Variants in MPPED2 observed in about 807,000 individuals in gnomAD.
The protein encoded by MPPED2 is metallophosphoesterase MPPED2.
A neutral mutation model predicts 33.0 loss-of-function variants in MPPED2; 5 were observed. The observed-to-expected ratio is 0.15, with a 90% CI of 0.08 to 0.32. The LOEUF (loss-of-function observed/expected upper bound fraction) is 0.32, where lower values mean the gene tolerates loss of function less well. MPPED2 is among the 10% of genes least tolerant of loss of function. The pLI is 1.00. For synonymous variants in MPPED2, 136 were observed against 141.9 expected, an observed-to-expected ratio of 0.96 and a Z score of 0.29; for missense variants, 275 against 372.1, an observed-to-expected ratio of 0.74 and a Z score of 2.15.
At chr11:30,444,701 A>C (rs983742668) in intron 4 of MPPED2, among the ~76,000 whole-genome samples, 18 of 152,142 alleles carry the variant, frequency 1.2e-4, no homozygotes, top group African/African-American at 4.3e-4. Context: ...CTTTATCTGC[A>C]CATTTTGGGC....
At chr11:30,494,757 A>AAAAAAAAAAAAAAAAAAAAG (rs768924251) in intron 4 of MPPED2, among the ~76,000 whole-genome samples, 2 of 120,884 alleles carry the variant, frequency 1.7e-5, no homozygotes, top group Non-Finnish European at 3.1e-5. Flanking sequence ...AAAAAAAAAA[A>AAAAAAAAAAAAAAAAAAAAG]AAAGAAAGAA....
intron 4 of MPPED2, among the ~76,000 whole-genome samples, chr11:30,474,481 T>G (rs919611785): frequency 1.3e-5 from 2 of 152,174 alleles, no homozygotes; most frequent in Admixed American, 1.3e-4. Context: ...TTAATTTGTG[T>G]GGTACCGATG....
rs557823015 is a variant in MPPED2, at chr11:30,453,036, G to C, written c.537-35403C>G. On this transcript the variant is annotated intron_variant, in intron 4 of 6. Coordinates refer to ENST00000358117, the MANE Select transcript of MPPED2 (RefSeq NM_001584.3). The stretch of plus-strand genomic sequence containing the variant: ...CATTTGCTGCAAGGATGCAAAATGA[G>C]TTATGTGCAGTGAGCATTGAAGGCA... Among the ~76,000 whole-genome samples, 4 of 152,266 alleles carry C rather than the reference G, an allele frequency of 2.6e-5. No homozygotes were observed. In the East Asian group the frequency reaches 7.7e-4, roughly 29 times the overall value.
At chr11:30,447,980 C>T (rs148267725) in intron 4 of MPPED2, among the ~76,000 whole-genome samples, 1 of 152,262 alleles carries the variant, frequency 6.6e-6, no homozygotes, top group East Asian at 1.9e-4. Flanking sequence ...ACACAATTTA[C>T]CTACAATTTC....
chr11:30,540,445 G>A (rs1474313592), intron 2 of MPPED2, among the ~76,000 whole-genome samples: 2 of 152,070 alleles, frequency 1.3e-5, no homozygotes, highest in African/African-American at 2.4e-5. Context: ...AGATTGTTAT[G>A]AGAATAAAAA....
At chr11:30,453,715 G>A (rs1477667315) in intron 4 of MPPED2, among the ~76,000 whole-genome samples, 1 of 152,186 alleles carries the variant, frequency 6.6e-6, no homozygotes, top group Non-Finnish European at 1.5e-5. Context: ...ATTGAACACT[G>A]ATAAGATCAA....
intron 3 of MPPED2, among the ~76,000 whole-genome samples, chr11:30,521,241 C>T (rs1953859646): frequency 6.6e-6 from 1 of 151,576 alleles, no homozygotes; most frequent in Non-Finnish European, 1.5e-5. Flanking sequence ...AGGAATAAAA[C>T]AGAAAGGAAA....
chr11:30,478,458 G>T (rs968848127), intron 4 of MPPED2, among the ~76,000 whole-genome samples: 1 of 152,012 alleles, frequency 6.6e-6, no homozygotes, highest in Non-Finnish European at 1.5e-5. Context: ...ACAAATTATT[G>T]TCAATGTTCT....
At chr11:30,495,008 T>C (rs758289090) in intron 4 of MPPED2, 5 of 347,814 alleles carry the variant, frequency 1.4e-5, no homozygotes, top group Non-Finnish European at 2.1e-5. Flanking sequence ...GATGGAATTT[T>C]ATCAGTGGGA....
At chr11:30,513,761 G>A (rs772688112) in intron 3 of MPPED2, among the ~76,000 whole-genome samples, 1 of 150,872 alleles carries the variant, frequency 6.6e-6, no homozygotes, top group Non-Finnish European at 1.5e-5. Flanking sequence ...GGACAAAAGA[G>A]GAAACAAAAG....
chr11:30,513,402 G>C (rs1953341817), intron 3 of MPPED2, among the ~76,000 whole-genome samples: 1 of 152,178 alleles, frequency 6.6e-6, no homozygotes, highest in African/African-American at 2.4e-5. Context: ...CTACCAGTGG[G>C]CTCAGATATC....
In MPPED2 at chr11:30,411,376, G is replaced by T; in HGVS notation, c.*92C>A. 7.0e-7 allele frequency: 1 copy of T among 1,437,844 alleles called. No homozygotes were observed. Among genetic ancestry groups the T allele is most frequent in the East Asian group, 2.4e-5 (1 of 42,448 alleles). The allele number at this position is 1,437,844 out of a possible 1,614,324, so 89.1% of individuals were successfully genotyped here. A position where few individuals can be genotyped will look rare whatever the true frequency, so the allele number is the denominator to read the frequency against. On this transcript the variant is annotated 3_prime_UTR_variant, in exon 7 of 7. Coordinates refer to ENST00000358117, the MANE Select transcript of MPPED2 (RefSeq NM_001584.3). ...AACAATTTACAAAAAGAACTCACAGGGTTTGTAAATAAGTAAGAGAATGTA... is the reference window on the plus strand; with the variant it reads ...AACAATTTACAAAAAGAACTCACAGTGTTTGTAAATAAGTAAGAGAATGTA...
rs61176944 is a variant in MPPED2 at position 30,522,387 on chromosome 11, T to C, written c.310+13607A>G. 9.9e-3 allele frequency among the ~76,000 whole-genome samples: 1,450 copies of C among 146,410 alleles called. 49 individuals carry two copies. The highest frequency in any genetic ancestry group is 0.035 in the African/African-American group (1,389 of 39,918). ...TAAACTCAAATGCTTCAGGAAAACA[T>C]ACACACACACACACACACACACACA... On this transcript the variant is annotated intron_variant, in intron 3 of 6. Coordinates refer to ENST00000358117, the MANE Select transcript of MPPED2 (RefSeq NM_001584.3).
intron 1 of MPPED2, among the ~76,000 whole-genome samples, chr11:30,583,117 C>A (rs1339616321): frequency 8.9e-6 from 1 of 112,504 alleles, no homozygotes; most frequent in Non-Finnish European, 1.9e-5. Context: ...AACACAAACA[C>A]CTGGAAAAGA....
chr11:30,483,592 T>C (rs567008427), intron 4 of MPPED2, among the ~76,000 whole-genome samples: 1 of 152,356 alleles, frequency 6.6e-6, no homozygotes, highest in East Asian at 1.9e-4. Flanking sequence ...GCATCTTTTA[T>C]TTTGTTCTTC....
downstream of MPPED2, among the ~76,000 whole-genome samples, chr11:30,405,889 T>TA (rs1176927731): frequency 6.6e-6 from 1 of 152,198 alleles, no homozygotes; most frequent in East Asian, 1.9e-4. Context: ...ATTCCTTTTC[T>TA]ACAAGTGTGG....
rs1948093201 is a variant in MPPED2 at position 30,411,325 on chromosome 11, A to G, written c.*143T>C. 1.5e-6 allele frequency: 2 copies of G among 1,296,944 alleles called. No individual in the cohort carries two copies. The highest frequency in any genetic ancestry group is 2.0e-6 in the Non-Finnish European group (2 of 1,012,350). The allele number at this position is 1,296,944 out of a possible 1,614,324, so 80.3% of individuals were successfully genotyped here. A position where few individuals can be genotyped will look rare whatever the true frequency, so the allele number is the denominator to read the frequency against. On this transcript the variant is annotated 3_prime_UTR_variant, in exon 7 of 7. Coordinates refer to ENST00000358117, the MANE Select transcript of MPPED2 (RefSeq NM_001584.3). ...TTTAAAATAAAATAAAATAAGAAGC[A>G]CAACCTCTAGCATCATTTGTGTTCC... is the stretch of plus-strand genomic sequence containing the variant.
At chr11:30,526,933 C>T (rs1954222978) in intron 3 of MPPED2, among the ~76,000 whole-genome samples, 1 of 151,246 alleles carries the variant, frequency 6.6e-6, no homozygotes. Context: ...GAGATGGAGT[C>T]TCCCTCTGTC....
At chr11:30,408,470 C>A (rs894493025), downstream of MPPED2, among the ~76,000 whole-genome samples, 1 of 152,182 alleles carries the variant, frequency 6.6e-6, no homozygotes, top group Admixed American at 6.5e-5. Context: ...TGCCACCACG[C>A]CCAGCTAATT....
Sources: allele counts gnomAD v4.1 joint callset (sites outside exome capture counted in the v4.1 genomes callset), GRCh38; gene constraint gnomAD v4.1.1; transcripts MANE v1.5; gene names NCBI Gene and HGNC (gene_info 2026-07-23, HGNC 2026-07-21).